COL11A2: variants seen among roughly 807,000 people sequenced by gnomAD.
COL11A2 encodes collagen alpha-2(XI) chain.
A neutral mutation model predicts 273.4 loss-of-function variants in COL11A2; 116 were observed. That is an observed-to-expected ratio of 0.42 (90% CI 0.36 to 0.49). The LOEUF (loss-of-function observed/expected upper bound fraction) is 0.49, where lower values mean the gene tolerates loss of function less well. Among genes scored for constraint, COL11A2 ranks in the 20% least tolerant of loss-of-function variants. The pLI, the probability that COL11A2 is intolerant of heterozygous loss-of-function variation, is 0.00. For synonymous variants in COL11A2, 782 were observed against 864.2 expected, an observed-to-expected ratio of 0.90 and a Z score of 1.67; for missense variants, 1,866 against 2,309.0, an observed-to-expected ratio of 0.81 and a Z score of 3.93.
Position 33,190,577 on chromosome 6 carries a change from G to T in COL11A2, c.83-1108C>A. Among the ~76,000 whole-genome samples, 1 of 149,116 alleles carries T rather than the reference G, an allele frequency of 6.7e-6. No homozygotes were observed. The highest frequency in any genetic ancestry group is 2.0e-4 in the East Asian group (1 of 4,950). On this transcript the variant is annotated intron_variant, in intron 1 of 65. Coordinates refer to ENST00000341947, the MANE Select transcript of COL11A2 (RefSeq NM_080680.3). The surrounding 1 kb of genome is among the most constrained non-coding windows in gnomAD (Gnocchi z 4.5). Reference sequence around the variant, plus strand: ...CATAGAAGTGTGGGGCAGGGCAGAGGCCAGAGCAATCAGGAGAGTGGAGCT... The same window carrying T: ...CATAGAAGTGTGGGGCAGGGCAGAGTCCAGAGCAATCAGGAGAGTGGAGCT...
intron 5 of COL11A2, 39 bp from the exon 6 acceptor site, chr6:33,185,817 G>A (rs750740958): frequency 1.4e-6 from 1 of 725,976 alleles, no homozygotes; most frequent in East Asian, 5.2e-5. Context: ...AAGGGGATGG[G>A]GTAATTGGAA....
Position 33,173,688 on chromosome 6 carries a change from G to A in COL11A2, c.2628+13C>T, listed in dbSNP as rs777230236. On this transcript the variant is annotated intron_variant, in intron 35 of 65. Transcript: ENST00000341947. This position sits in a 1 kb window ranked among gnomAD's most constrained non-coding sequence, Gnocchi z 6.3. The stretch of plus-strand genomic sequence containing the variant: ...GGGACCTCAGGGGAAGGGGACTTTC[G>A]ATCCACACTCACCCTCTCTCCAGGG... 48 of 1,563,942 alleles carry A rather than the reference G, an allele frequency of 3.1e-5. No homozygotes were observed. The Admixed American group carries it at 3.5e-4, about 11-fold the overall frequency.
chr6:33,169,451 GC>G lies in COL11A2; in HGVS notation c.3729del (p.Gln1244SerfsTer101). 1.2e-6 allele frequency: 2 copies of G among 1,612,856 alleles called. No individual in the cohort carries two copies. Among genetic ancestry groups the G allele is most frequent in the Non-Finnish European group, 1.7e-6 (2 of 1,179,998 alleles). On this transcript the variant is annotated frameshift_variant, in exon 51 of 66. Coordinates refer to ENST00000341947, the MANE Select transcript of COL11A2 (RefSeq NM_080680.3). LOFTEE classifies it high-confidence loss of function. This position sits in a 1 kb window ranked among gnomAD's most constrained non-coding sequence, Gnocchi z 5.5. ...CCTGGTGGCCCTGGCTCTCCTGGCT[GC>G]CCCGACTCTCCTTTCTCTCCACGTT... ...RGERGEKGES[G>X]QPGEPGPPGP...
In COL11A2 at chr6:33,177,605, G is replaced by C; in HGVS notation, c.1917+57C>G. On this transcript the variant is annotated intron_variant, in intron 22 of 65. Coordinates refer to ENST00000341947, the MANE Select transcript of COL11A2 (RefSeq NM_080680.3). This position sits in a 1 kb window ranked among gnomAD's most constrained non-coding sequence, Gnocchi z 5.9. Reference sequence around the variant, plus strand: ...GGGTCAAAATGGCGGCCAACAGGATGCTGGCAGGGACCTCGGGGGATAAGA... The same window carrying C: ...GGGTCAAAATGGCGGCCAACAGGATCCTGGCAGGGACCTCGGGGGATAAGA... The C allele has an allele frequency of 1.9e-6, 3 of 1,606,018 alleles. No individual in the cohort carries two copies.
intron 42 of COL11A2, 60 bp from the exon 43 acceptor site, chr6:33,171,634 C>G: frequency 3.7e-6 from 6 of 1,601,048 alleles, no homozygotes; most frequent in Non-Finnish European, 5.1e-6. Flanking sequence ...AAACACCCCA[C>G]AGGAAACTTG....
chr6:33,174,551 G>C lies in COL11A2; in HGVS notation c.2406C>G (p.Gly802=), dbSNP rs1227013128. 5 of 1,612,514 alleles carry C rather than the reference G, an allele frequency of 3.1e-6. No homozygotes were observed. Among genetic ancestry groups the C allele is most frequent in the Admixed American group, 1.7e-5 (1 of 59,968 alleles). The stretch of plus-strand genomic sequence containing the variant: ...CCTTGGGTCCCTGACGTCCAGGATA[G>C]CCAGGCAGACCAGGAACACCCAGCT... The part of the protein sequence containing the change: ...KGKLGVPGLP[G]YPGRQGPKGS... The change falls in exon 31 of 66, where the codon GGC becomes GGG. Residue 802 remains glycine (G), a synonymous_variant. Coordinates refer to ENST00000341947, the MANE Select transcript of COL11A2 (RefSeq NM_080680.3).
Position 33,176,339 on chromosome 6 carries a change from G to T in COL11A2, c.2170-36C>A. 14 of 1,601,680 alleles carry T rather than the reference G, an allele frequency of 8.7e-6. No homozygotes were observed. The highest frequency in any genetic ancestry group is 1.2e-5 in the Non-Finnish European group (14 of 1,173,816). On this transcript the variant is annotated intron_variant, in intron 27 of 65. Transcript: ENST00000341947. The surrounding 1 kb of genome is among the most constrained non-coding windows in gnomAD (Gnocchi z 4.9). ...AGAGGGGATAGAAGTAGACTGATCA[G>T]GGGATGGAGGTGGGTTGGAAGGACC...
chr6:33,177,984 C>A lies in COL11A2; in HGVS notation c.1872+148G>T. The A allele has an allele frequency of 1.1e-6, 1 of 918,422 alleles. No individual in the cohort carries two copies. The highest frequency in any genetic ancestry group is 1.7e-6 in the Non-Finnish European group (1 of 593,384). The allele number at this position is 918,422 out of a possible 1,614,324, so 56.9% of individuals were successfully genotyped here. ...TGTGCACGGGGAGCGAATGCTGAGG[C>A]AGGGCAGTGTGGGGCCAGAGCAGGG... is the stretch of plus-strand genomic sequence containing the variant. On this transcript the variant is annotated intron_variant, in intron 21 of 65. Transcript: ENST00000341947. The surrounding 1 kb of genome is among the most constrained non-coding windows in gnomAD (Gnocchi z 5.9).
At position 33,165,503 on chromosome 6, in the gene COL11A2, C is replaced by G. The variant is rs370159193; in HGVS notation, c.4750+46G>C. 22 of 1,605,806 alleles carry G rather than the reference C, an allele frequency of 1.4e-5. No individual in the cohort carries two copies. The highest frequency in any genetic ancestry group is 1.8e-5 in the Non-Finnish European group (21 of 1,179,812). ...AGCATCCATTCTGCTTGTTCAGTAC[C>G]CATGCTGTTGGGGAGATGTTTGTGC... is the stretch of plus-strand genomic sequence containing the variant. On this transcript the variant is annotated intron_variant, in intron 63 of 65. Coordinates refer to ENST00000341947, the MANE Select transcript of COL11A2 (RefSeq NM_080680.3). This position sits in a 1 kb window ranked among gnomAD's most constrained non-coding sequence, Gnocchi z 7.7.
At position 33,166,084 on chromosome 6, in the gene COL11A2, C is replaced by T; in HGVS notation, c.4428+87G>A. 1 of 1,602,778 alleles carries T rather than the reference C, an allele frequency of 6.2e-7. No homozygotes were observed. Among genetic ancestry groups the T allele is most frequent in the Non-Finnish European group, 8.5e-7 (1 of 1,173,452 alleles). ...AGCCTCCTGGCTGGAATAAGGGGCT[C>T]CTTGGGGGGAGTCTATTTGTCCTGG... On this transcript the variant is annotated intron_variant, in intron 61 of 65. Coordinates refer to ENST00000341947, the MANE Select transcript of COL11A2 (RefSeq NM_080680.3). This position sits in a 1 kb window ranked among gnomAD's most constrained non-coding sequence, Gnocchi z 4.8.
Position 33,184,103 on chromosome 6 carries a change from C to A in COL11A2, c.1119+42G>T, listed in dbSNP as rs41317102. 73,621 of 1,360,386 alleles carry A rather than the reference C, an allele frequency of 0.054. 3,824 individuals carry two copies. The highest frequency in any genetic ancestry group is 0.26 in the African/African-American group (17,823 of 67,652). 84.3% of individuals were successfully genotyped at this position (1,360,386 alleles called of 1,614,324 possible). A position where few individuals can be genotyped will look rare whatever the true frequency, so the allele number is the denominator to read the frequency against. On this transcript the variant is annotated intron_variant, in intron 8 of 65. Coordinates refer to ENST00000341947, the MANE Select transcript of COL11A2 (RefSeq NM_080680.3). ...CAACAAGAAGCAATTCTTGTAGCTC[C>A]CACTGGTAGTCAAGAATGAAAGAGA...
In COL11A2 at chr6:33,169,913, C is replaced by T. The variant is rs1170261682; in HGVS notation, c.3637-29G>A. On this transcript the variant is annotated intron_variant, in intron 49 of 65. Coordinates refer to ENST00000341947, the MANE Select transcript of COL11A2 (RefSeq NM_080680.3). This position sits in a 1 kb window ranked among gnomAD's most constrained non-coding sequence, Gnocchi z 5.5. ...CAAAGAGATTAGAGTCAAAAACCTC[C>T]TCTCCTTCCCCAGCCAAAAAATTCT... The T allele has an allele frequency of 6.2e-7, 1 of 1,614,012 alleles. No individual in the cohort carries two copies. Among genetic ancestry groups the T allele is most frequent in the Non-Finnish European group, 8.5e-7 (1 of 1,179,978 alleles).
rs1394981127 is a variant in COL11A2, at chr6:33,163,446, G to A, written c.*232C>T. On this transcript the variant is annotated 3_prime_UTR_variant, in exon 66 of 66. Coordinates refer to ENST00000341947, the MANE Select transcript of COL11A2 (RefSeq NM_080680.3). This position sits in a 1 kb window ranked among gnomAD's most constrained non-coding sequence, Gnocchi z 4.1. Reference sequence around the variant, plus strand: ...TAAATAAGGGTCTCAGCTCTCTAACGGGTAACAGGCTCCAGGTGGGAGGGC... The same window carrying A: ...TAAATAAGGGTCTCAGCTCTCTAACAGGTAACAGGCTCCAGGTGGGAGGGC... 9 of 610,798 alleles carry A rather than the reference G, an allele frequency of 1.5e-5. No individual in the cohort carries two copies. The highest frequency in any genetic ancestry group is 4.0e-5 in the South Asian group (2 of 49,794). The allele number at this position is 610,798 out of a possible 1,614,324, so 37.8% of individuals were successfully genotyped here. A position where few individuals can be genotyped will look rare whatever the true frequency, so the allele number is the denominator to read the frequency against.
chr6:33,165,390 G>A lies in COL11A2; in HGVS notation c.4750+159C>T, dbSNP rs953488295. The stretch of plus-strand genomic sequence containing the variant: ...ACCCAGATCAGTTGCTAAAGTATTG[G>A]GATACTTCTGACCTGGTTAGTAAAT... On this transcript the variant is annotated intron_variant, in intron 63 of 65. Transcript: ENST00000341947. The surrounding 1 kb of genome is among the most constrained non-coding windows in gnomAD (Gnocchi z 7.7). Among the ~76,000 whole-genome samples, 2 of 152,076 alleles carry A rather than the reference G, an allele frequency of 1.3e-5. No individual in the cohort carries two copies. Among genetic ancestry groups the A allele is most frequent in the African/African-American group, 4.8e-5 (2 of 41,386 alleles).
chr6:33,192,112 G>T, intron 1 of COL11A2, 47 bp downstream of exon 1: 1 of 1,525,756 alleles, frequency 6.6e-7, no homozygotes, highest in Non-Finnish European at 8.9e-7. Context: ...GAGACACTCA[G>T]AGCTCCAGCC....
At chr6:33,192,950 A>T (rs1010254623), upstream of COL11A2, among the ~76,000 whole-genome samples, 1 of 152,128 alleles carries the variant, frequency 6.6e-6, no homozygotes, top group Admixed American at 6.5e-5. Context: ...AAGGCTATAG[A>T]TAGCGACGAA....
Position 33,176,285 on chromosome 6 carries a change from C to A in COL11A2, c.2188G>T (p.Gly730Cys). Reference protein sequence around the residue: ...RGVKGVDGIRGLKGHKGEKGE... With the variant: ...RGVKGVDGIRCLKGHKGEKGE... ...TTCTCACCCTTATGACCCTTCAGAC[C>A]CCGAATTCCGTCCACACCCTAGAAT... Residue 730 changes from glycine to cysteine, a missense_variant, in exon 28 of 66, where the codon GGT becomes TGT. By Grantham distance (159) the Gly-to-Cys change is radical. Transcript: ENST00000341947. This position sits in a 1 kb window ranked among gnomAD's most constrained non-coding sequence, Gnocchi z 4.9. 6.2e-7 allele frequency: 1 copy of A among 1,607,308 alleles called. No homozygotes were observed. Among genetic ancestry groups the A allele is most frequent in the East Asian group, 2.2e-5 (1 of 44,774 alleles).
Position 33,167,974 on chromosome 6 carries a change from C to G in COL11A2, c.3961-122G>C, listed in dbSNP as rs1176268685. 6 of 1,047,684 alleles carry G rather than the reference C, an allele frequency of 5.7e-6. No homozygotes were observed. Among genetic ancestry groups the G allele is most frequent in the Non-Finnish European group, 8.7e-6 (6 of 689,552 alleles). The allele number at this position is 1,047,684 out of a possible 1,614,324, so 64.9% of individuals were successfully genotyped here. ...ACACACACGTGCATACACAGGGACA[C>G]GCGCCGAGGGCCGATTCACAGATGT... is the stretch of plus-strand genomic sequence containing the variant. On this transcript the variant is annotated intron_variant, in intron 54 of 65. Transcript: ENST00000341947. This position sits in a 1 kb window ranked among gnomAD's most constrained non-coding sequence, Gnocchi z 6.1.
rs200947059 is a variant in COL11A2, at chr6:33,164,845, C to T, written c.4863+7G>A. On this transcript the variant is annotated splice_region_variant and intron_variant, in intron 64 of 65. Coordinates refer to ENST00000341947, the MANE Select transcript of COL11A2 (RefSeq NM_080680.3). This position sits in a 1 kb window ranked among gnomAD's most constrained non-coding sequence, Gnocchi z 4.7. ...CAGGGGAGGGGCAGCGAGGGGCCAG[C>T]TCTCACCTGCGTGACGTCATCCCTA... 2.1e-4 allele frequency: 333 copies of T among 1,553,428 alleles called. 3 individuals carry two copies. In the Admixed American group the frequency reaches 6.3e-3, roughly 30 times the overall value.
Sources: allele counts gnomAD v4.1 joint callset (sites outside exome capture counted in the v4.1 genomes callset), GRCh38; gene constraint gnomAD v4.1.1; non-coding constraint Gnocchi (gnomAD v3.1); transcripts MANE v1.5; gene names NCBI Gene and HGNC (gene_info 2026-07-23, HGNC 2026-07-21).